Variants in MYBL2 observed in about 807,000 individuals in gnomAD.
The protein encoded by MYBL2 is myb-related protein B.
Under a neutral mutation model 79.9 loss-of-function variants are expected in MYBL2, and 28 were observed. That is an observed-to-expected ratio of 0.35 (90% confidence interval 0.26 to 0.48). MYBL2 has a LOEUF of 0.48. Among genes scored for constraint, MYBL2 ranks in the 20% least tolerant of loss-of-function variants. The probability of loss-of-function intolerance (pLI) is 0.99; values close to 1 mark genes in which losing one functional copy is unlikely to be tolerated. For missense variants in MYBL2, 735 were observed against 893.9 expected (o/e 0.82, Z 2.27); for synonymous variants, 378 against 361.2 (o/e 1.05, Z -0.53).
chr20:43,682,067 C>T (rs548033224), intron 3 of MYBL2, among the ~76,000 whole-genome samples: 2 of 152,378 alleles, frequency 1.3e-5, no homozygotes, highest in African/African-American at 4.8e-5. Flanking sequence ...TCCAGCTCCT[C>T]AGCATGCCTG....
chr20:43,699,927 C>T lies in MYBL2; in HGVS notation c.834C>T (p.Asp278=). ...EPLEEFPKRE[D]QEGSPPETSL... ...TGGAGGAATTCCCGAAGCGTGAGGA[C>T]CAGGAAGGCTCCCCACCAGAAACGA... The change falls in exon 7 of 14, where the codon GAC becomes GAT. Residue 278 remains aspartate, a synonymous_variant. Transcript: ENST00000217026. 6.2e-7 allele frequency: 1 copy of T among 1,614,124 alleles called. No individual in the cohort carries two copies. The highest frequency in any genetic ancestry group is 8.5e-7 in the Non-Finnish European group (1 of 1,180,014).
chr20:43,699,191 A>G (rs1040929144), intron 6 of MYBL2, among the ~76,000 whole-genome samples: 1 of 151,946 alleles, frequency 6.6e-6, no homozygotes, highest in Non-Finnish European at 1.5e-5. Flanking sequence ...GGTGCCTGCC[A>G]CCACACCTGG....
At chr20:43,694,579 GT>G (rs1223451855) in intron 6 of MYBL2, among the ~76,000 whole-genome samples, 1 of 152,116 alleles carries the variant, frequency 6.6e-6, no homozygotes, top group East Asian at 1.9e-4. Flanking sequence ...GATATATTAT[GT>G]TTTTGCCTCT....
rs78210081 is a variant in MYBL2 at position 43,667,933 on chromosome 20, C to T, written c.20+630C>T. Among the ~76,000 whole-genome samples, 1,405 of 152,242 alleles carry T rather than the reference C, an allele frequency of 9.2e-3. 12 individuals are homozygous for T. Among genetic ancestry groups the T allele is most frequent in the African/African-American group, 0.032 (1,330 of 41,546 alleles). ...TCCTGTTCCCACGAGGAGTTTTGGG[C>T]AGCTGGGGTTGAAGGTGCGGGGGAG... is the stretch of plus-strand genomic sequence containing the variant. On this transcript the variant is annotated intron_variant, in intron 1 of 13. Coordinates refer to ENST00000217026, the MANE Select transcript of MYBL2 (RefSeq NM_002466.4).
At chr20:43,677,657 A>G (rs1415059648) in intron 2 of MYBL2, among the ~76,000 whole-genome samples, 1 of 151,328 alleles carries the variant, frequency 6.6e-6, no homozygotes, top group Non-Finnish European at 1.5e-5. Flanking sequence ...CTGCCTGGCC[A>G]GCCGCCCCGA....
intron 13 of MYBL2, among the ~76,000 whole-genome samples, 188 bp from the exon 14 acceptor site, chr20:43,715,771 C>A (rs1041088798): frequency 1.3e-5 from 2 of 152,154 alleles, no homozygotes; most frequent in African/African-American, 4.8e-5. Flanking sequence ...GTCCTACTTA[C>A]AGTTGAGGAA....
chr20:43,680,425 T>C (rs1191948149), intron 2 of MYBL2, among the ~76,000 whole-genome samples: 1 of 152,264 alleles, frequency 6.6e-6, no homozygotes. Context: ...CTTTCATCCA[T>C]GCTGTAGCAT....
At chr20:43,715,057 G>T (rs1057412651) in intron 12 of MYBL2, 77 bp from the exon 13 acceptor site, 1 of 1,553,840 alleles carries the variant, frequency 6.4e-7, no homozygotes, top group Non-Finnish European at 8.8e-7. Context: ...TGGTGCTGGG[G>T]TGGGATTGCG....
At chr20:43,673,098 C>T (rs1015862349) in intron 1 of MYBL2, among the ~76,000 whole-genome samples, 13 of 152,110 alleles carry the variant, frequency 8.5e-5, no homozygotes, top group South Asian at 2.1e-4. Flanking sequence ...CATGCGCCAC[C>T]GCACCCAGCT....
chr20:43,678,877 A>C (rs1201005177), intron 2 of MYBL2, among the ~76,000 whole-genome samples: 2 of 149,984 alleles, frequency 1.3e-5, no homozygotes, highest in African/African-American at 2.5e-5. Context: ...AAAAAAAAGA[A>C]AAAAACATAT....
At chr20:43,698,351 A>ATTTTTTT (rs71193701) in intron 6 of MYBL2, among the ~76,000 whole-genome samples, 2 of 49,092 alleles carry the variant, frequency 4.1e-5, no homozygotes, top group Admixed American at 3.1e-4. Context: ...CGCCCCGCAT[A>ATTTTTTT]TTTTTTTTTT....
In MYBL2 at chr20:43,686,987, A is replaced by G; in HGVS notation, c.415A>G (p.Thr139Ala). The change falls in exon 5 of 14, where the codon ACC becomes GCC. Residue 139 changes from threonine (T) to alanine (A), a missense_variant. Coordinates refer to ENST00000217026, the MANE Select transcript of MYBL2 (RefSeq NM_002466.4). ...CCCTGAGGTGAAGAAGTCTTGCTGG[A>G]CCGAGGAGGAGGACCGCATCATCTG... Reference protein sequence around the residue: ...LNPEVKKSCWTEEEDRIICEA... With the variant: ...LNPEVKKSCWAEEEDRIICEA... 6.2e-7 allele frequency: 1 copy of G among 1,614,122 alleles called. No individual in the cohort carries two copies. Among genetic ancestry groups the G allele is most frequent in the Non-Finnish European group, 8.5e-7 (1 of 1,180,036 alleles).
intron 10 of MYBL2, 77 bp from the exon 11 acceptor site, chr20:43,711,411 T>C: frequency 1.8e-6 from 2 of 1,132,928 alleles, no homozygotes; most frequent in Non-Finnish European, 1.3e-6. Flanking sequence ...CAGTTGCAGC[T>C]GGGTTGGTCC....
intron 2 of MYBL2, among the ~76,000 whole-genome samples, chr20:43,679,186 A>G (rs1195275151): frequency 9.9e-5 from 15 of 152,192 alleles, no homozygotes; most frequent in Non-Finnish European, 2.9e-5. Context: ...TGGCTCACCC[A>G]GAGAATTTAT....
chr20:43,712,907 TG>T, intron 11 of MYBL2, 94 bp from the exon 12 acceptor site: 1 of 929,652 alleles, frequency 1.1e-6, no homozygotes, highest in Non-Finnish European at 1.7e-6. Context: ...CAGCAGGGCC[TG>T]GTTTTGTGAC....
Position 43,700,027 on chromosome 20 carries a change from C to T in MYBL2, c.934C>T (p.Leu312=). The change falls in exon 7 of 14, where the codon CTG becomes TTG. Residue 312 remains leucine (L), a synonymous_variant. Transcript: ENST00000217026. ...TGTGGGTTCTAGCCTCTCTGAAGCC[C>T]TGGACTTGATCGAGTCGGTATGTTG... ...PAVGSSLSEA[L]DLIESDPDAW... is the part of the protein sequence containing the mutation. The T allele has an allele frequency of 6.2e-7, 1 of 1,613,836 alleles. No individual in the cohort carries two copies. The highest frequency in any genetic ancestry group is 8.5e-7 in the Non-Finnish European group (1 of 1,179,952).
intron 9 of MYBL2, among the ~76,000 whole-genome samples, chr20:43,707,312 A>T (rs1987813782): frequency 1.3e-5 from 2 of 152,150 alleles, no homozygotes; most frequent in South Asian, 4.1e-4. Flanking sequence ...TTCGCATCTA[A>T]GCCCTTAAAC....
intron 2 of MYBL2, among the ~76,000 whole-genome samples, chr20:43,678,533 G>T (rs1474703028): frequency 6.6e-6 from 1 of 151,996 alleles, no homozygotes; most frequent in Non-Finnish European, 1.5e-5. Flanking sequence ...GGGCTTCAGG[G>T]GAGTTCATCT....
intron 9 of MYBL2, among the ~76,000 whole-genome samples, chr20:43,709,049 C>T (rs150431117): frequency 1.3e-5 from 2 of 152,290 alleles, no homozygotes; most frequent in African/African-American, 2.4e-5. Context: ...AGTTTTTTAT[C>T]TCCCCATGGA....
Sources: allele counts gnomAD v4.1 joint callset (sites outside exome capture counted in the v4.1 genomes callset), GRCh38; gene constraint gnomAD v4.1.1; transcripts MANE v1.5; gene names NCBI Gene and HGNC (gene_info 2026-07-23, HGNC 2026-07-21).